The following PLA2G5 variants were observed in gnomAD, a reference collection of about 807,000 sequenced individuals.
PLA2G5 encodes Ca2+-dependent phospholipase A2.
Under a neutral mutation model 15.9 loss-of-function variants are expected in PLA2G5, and 12 were observed. The observed-to-expected ratio is 0.76, with a 90% confidence interval of 0.48 to 1.23. The LOEUF (loss-of-function observed/expected upper bound fraction) is 1.23, where lower values mean the gene tolerates loss of function less well. Among genes scored for constraint, PLA2G5 ranks in the 50% most tolerant of loss-of-function variants. The pLI is 0.00. For synonymous variants in PLA2G5, 71 were observed against 71.4 expected, an observed-to-expected ratio of 0.99 and a Z score of 0.03; for missense variants, 169 against 177.1, an observed-to-expected ratio of 0.95 and a Z score of 0.26.
chr1:20,068,605 C>T (rs1423004798), upstream of PLA2G5, among the ~76,000 whole-genome samples: 1 of 151,918 alleles, frequency 6.6e-6, no homozygotes, highest in Admixed American at 6.6e-5. Flanking sequence ...GCATGTGCCA[C>T]CATGCCTGGC....
chr1:20,080,433 T>C (rs2015943124), intron 1 of PLA2G5, among the ~76,000 whole-genome samples: 1 of 151,966 alleles, frequency 6.6e-6, no homozygotes, highest in South Asian at 2.1e-4. Flanking sequence ...AATACAAAAA[T>C]TAGCCAGGCG....
chr1:20,072,170 C>G (rs1394376974), intron 1 of PLA2G5, among the ~76,000 whole-genome samples: 1 of 152,074 alleles, frequency 6.6e-6, no homozygotes, highest in African/African-American at 2.4e-5. Flanking sequence ...CCCAAACACA[C>G]ACACTCAGCA....
intron 1 of PLA2G5, among the ~76,000 whole-genome samples, chr1:20,029,657 C>T (rs987961970): frequency 6.6e-6 from 1 of 152,122 alleles, no homozygotes; most frequent in Non-Finnish European, 1.5e-5. Context: ...GTCCCTTCTC[C>T]CCTTCCATAT....
chr1:20,033,096 T>C (rs1380006889), intron 1 of PLA2G5, among the ~76,000 whole-genome samples: 2 of 152,228 alleles, frequency 1.3e-5, no homozygotes, highest in African/African-American at 4.8e-5. Flanking sequence ...CTTTCCTTTT[T>C]CCTTTTGCTA....
intron 1 of PLA2G5, among the ~76,000 whole-genome samples, chr1:20,050,603 A>T (rs933083959): frequency 2.6e-5 from 4 of 152,236 alleles, no homozygotes; most frequent in Non-Finnish European, 1.5e-5. Context: ...TTAAAACTTT[A>T]TAGATTGTAA....
chr1:20,086,325 AC>A, intron 3 of PLA2G5, 98 bp downstream of exon 3: 1 of 1,310,758 alleles, frequency 7.6e-7, no homozygotes, highest in Non-Finnish European at 1.1e-6. Context: ...GTATTAAAGT[AC>A]CATTTTACAA....
intron 1 of PLA2G5, among the ~76,000 whole-genome samples, chr1:20,032,258 A>C (rs887511619): frequency 6.6e-5 from 10 of 152,166 alleles, no homozygotes; most frequent in African/African-American, 2.4e-4. Context: ...CTGTGAAACA[A>C]ATGCTCGCCT....
At chr1:20,088,640 C>T (rs1021420500) in intron 3 of PLA2G5, among the ~76,000 whole-genome samples, 11 of 152,044 alleles carry the variant, frequency 7.2e-5, no homozygotes, top group African/African-American at 2.7e-4. Flanking sequence ...ATTCTGTAAA[C>T]CAAGAAAACC....
rs72964397 is a variant in PLA2G5, at chr1:20,037,835, T to A, written n.276+9126T>A. ...CCCAAGAGATTATGTTTTTTGTCTT[T>A]GGCTACCAGGGCTGGTAGAGATGGA... On this transcript the variant is annotated intron_variant and non_coding_transcript_variant, in intron 1 of 6. Coordinates refer to the PLA2G5 transcript ENST00000460175. 4.2e-3 allele frequency among the ~76,000 whole-genome samples: 637 copies of A among 152,154 alleles called. 4 individuals are homozygous for A. Among genetic ancestry groups the A allele is most frequent in the African/African-American group, 0.015 (605 of 41,512 alleles).
chr1:20,090,221 G>A (rs539101770), intron 4 of PLA2G5, among the ~76,000 whole-genome samples: 1 of 152,312 alleles, frequency 6.6e-6, no homozygotes, highest in South Asian at 2.1e-4. Flanking sequence ...CAAGCTCAGG[G>A]CCTCTGAGTT....
chr1:20,030,106 A>G (rs2012837843), intron 1 of PLA2G5, among the ~76,000 whole-genome samples: 1 of 152,244 alleles, frequency 6.6e-6, no homozygotes, highest in South Asian at 2.1e-4. Flanking sequence ...AATAAGACAC[A>G]GAGAAAAAGT....
At chr1:20,055,520 CTGA>C (rs923565762) in intron 1 of PLA2G5, among the ~76,000 whole-genome samples, 16 of 152,272 alleles carry the variant, frequency 1.1e-4, no homozygotes, top group African/African-American at 3.8e-4. Flanking sequence ...GGCCCACCAC[CTGA>C]TGTTTGGCTG....
At chr1:20,042,553 G>A (rs958403671) in intron 1 of PLA2G5, among the ~76,000 whole-genome samples, 6 of 152,158 alleles carry the variant, frequency 3.9e-5, no homozygotes, top group Admixed American at 1.3e-4. Context: ...GGGAGATCTA[G>A]GGTGGGAGCA....
At chr1:20,074,163 G>A (rs1488105749) in intron 1 of PLA2G5, among the ~76,000 whole-genome samples, 1 of 152,164 alleles carries the variant, frequency 6.6e-6, no homozygotes, top group Non-Finnish European at 1.5e-5. Flanking sequence ...AGGGGGAGCA[G>A]GAAATGCAAA....
At chr1:20,060,129 G>C (rs1157333751) in intron 2 of PLA2G5, among the ~76,000 whole-genome samples, 1 of 151,978 alleles carries the variant, frequency 6.6e-6, no homozygotes, top group Non-Finnish European at 1.5e-5. Flanking sequence ...ATTGCTATAG[G>C]CCACTGACCT....
intron 1 of PLA2G5, among the ~76,000 whole-genome samples, chr1:20,035,072 G>A (rs2013173750): frequency 1.3e-5 from 2 of 152,120 alleles, no homozygotes; most frequent in African/African-American, 4.8e-5. Context: ...TACCCATTTA[G>A]AACCCAATCC....
rs558722783 is a variant in PLA2G5 at position 20,070,381 on chromosome 1, C to T, written c.-95C>T. On this transcript the variant is annotated 5_prime_UTR_variant, in exon 1 of 5. The change creates a premature stop within an existing upstream ORF in the 5' untranslated region. Coordinates refer to ENST00000375108, the MANE Select transcript of PLA2G5 (RefSeq NM_000929.3). ...GTTCCGACTGGAGACGGGGAGCCCG[C>T]GAGACCCGGGTCTCCAGGGTCTGCC... 56 of 985,340 alleles carry T rather than the reference C, an allele frequency of 5.7e-5. No homozygotes were observed. The highest frequency in any genetic ancestry group is 5.2e-4 in the Middle Eastern group (1 of 1,914). The allele number at this position is 985,340 out of a possible 1,614,324, so 61.0% of individuals were successfully genotyped here. A position where few individuals can be genotyped will look rare whatever the true frequency, so the allele number is the denominator to read the frequency against.
At chr1:20,044,535 G>A (rs1333427948) in intron 1 of PLA2G5, among the ~76,000 whole-genome samples, 1 of 152,182 alleles carries the variant, frequency 6.6e-6, no homozygotes, top group Non-Finnish European at 1.5e-5. Flanking sequence ...GGACTGGGTT[G>A]GGTTTTTATA....
intron 1 of PLA2G5, among the ~76,000 whole-genome samples, chr1:20,048,768 T>C (rs1331563183): frequency 6.6e-6 from 1 of 152,222 alleles, no homozygotes; most frequent in African/African-American, 2.4e-5. Flanking sequence ...GTTTAAATGA[T>C]GACTATGACA....
Sources: gnomAD v4.1 joint callset for allele counts (sites outside exome capture counted in the v4.1 genomes callset) on GRCh38, gnomAD v4.1.1 for gene constraint, MANE v1.5 for transcripts, NCBI Gene and HGNC (gene_info 2026-07-23, HGNC 2026-07-21) for gene names.